MTMR10: variants seen among roughly 807,000 people sequenced by gnomAD.
The protein encoded by MTMR10 is myotubularin related protein 10, also known as myotubularin-related protein 10.
MTMR10 carries 56 observed loss-of-function variants against 88.1 expected under a neutral mutation model. That is an observed-to-expected ratio of 0.64 (90% confidence interval 0.51 to 0.79). The LOEUF (loss-of-function observed/expected upper bound fraction) is 0.79, where lower values mean the gene tolerates loss of function less well. Among genes scored for constraint, MTMR10 ranks in the 30% least tolerant of loss-of-function variants. The probability of loss-of-function intolerance (pLI) is 0.00; values close to 1 mark genes in which losing one functional copy is unlikely to be tolerated. For missense variants in MTMR10, 883 were observed against 924.7 expected (o/e 0.95, Z 0.58); for synonymous variants, 380 against 340.9 (o/e 1.11, Z -1.26).
intron 15 of MTMR10, 195 bp from the exon 16 acceptor site, chr15:30,942,267 CCTAGG>C: frequency 1.4e-6 from 1 of 692,664 alleles, no homozygotes; most frequent in Admixed American, 3.0e-5. Context: ...GTTGACTCTA[CCTAGG>C]CTGTTACTAT....
chr15:30,973,035 TC>T (rs1452588888), intron 5 of MTMR10, among the ~76,000 whole-genome samples: 1 of 152,214 alleles, frequency 6.6e-6, no homozygotes, highest in Non-Finnish European at 1.5e-5. Flanking sequence ...GATGCTTTGA[TC>T]AATTAAATTA....
chr15:30,984,174 G>A lies in MTMR10; in HGVS notation c.121+6603C>T, dbSNP rs547205302. On this transcript the variant is annotated intron_variant, in intron 2 of 15. Transcript: ENST00000435680. ...GCAAATTACAAGGTTAAAGAATTTG[G>A]ATTTTATCCTGCTTAAGTAGGATTT... Among the ~76,000 whole-genome samples the A allele has an allele frequency of 2.0e-5, 3 of 152,336 alleles. No individual in the cohort carries two copies. In the South Asian group the frequency reaches 6.2e-4, roughly 32 times the overall value.
intron 14 of MTMR10, among the ~76,000 whole-genome samples, chr15:30,945,561 C>G (rs545026828): frequency 3.9e-5 from 6 of 151,936 alleles, no homozygotes; most frequent in Non-Finnish European, 5.9e-5. Context: ...TGTGTGCGCA[C>G]GGGGTAGTGA....
intron 10 of MTMR10, 89 bp downstream of exon 10, chr15:30,954,673 TC>T: frequency 8.0e-7 from 1 of 1,257,482 alleles, no homozygotes; most frequent in East Asian, 2.8e-5. Context: ...TATATCTATT[TC>T]TACATTTTTA....
At chr15:30,943,884 T>C in intron 14 of MTMR10, 2 of 985,400 alleles carry the variant, frequency 2.0e-6, no homozygotes, top group South Asian at 9.4e-5. Context: ...TCTCAGCTGA[T>C]TGATGGCAGC....
intron 2 of MTMR10, among the ~76,000 whole-genome samples, chr15:30,983,413 T>G (rs12437580): frequency 0.3 from 45,825 of 152,100 alleles, 8,014 homozygotes; most frequent in African/African-American, 0.5. Flanking sequence ...GAAATGCAAT[T>G]ACAGTTAATA....
At chr15:30,989,521 C>T (rs2031166838) in intron 2 of MTMR10, among the ~76,000 whole-genome samples, 1 of 151,636 alleles carries the variant, frequency 6.6e-6, no homozygotes, top group Non-Finnish European at 1.5e-5. Flanking sequence ...ACCGATTTGG[C>T]TTTAAGTAAT....
At chr15:30,964,483 G>A (rs151164012) in intron 6 of MTMR10, among the ~76,000 whole-genome samples, 45 of 152,214 alleles carry the variant, frequency 3.0e-4, no homozygotes, top group African/African-American at 1.0e-3. Flanking sequence ...CATTTCTCTC[G>A]TTCAAATCCT....
In MTMR10 at chr15:30,942,031, T is replaced by C; in HGVS notation, c.1773A>G (p.Leu591=). Residue 591 remains leucine, a synonymous_variant, in exon 16 of 16, where the codon TTA becomes TTG. Transcript: ENST00000435680. ...SSTLRGMPSA[L]KNGIISDQEL... is the part of the protein sequence containing the mutation. ...CTTGGTCACTGATGATTCCATTCTT[T>C]AAGGCAGACGGCATTCCTCTTAGTG... 6.2e-7 allele frequency: 1 copy of C among 1,614,038 alleles called. No homozygotes were observed. The highest frequency in any genetic ancestry group is 1.1e-5 in the South Asian group (1 of 91,084).
chr15:30,941,012 A>G lies in MTMR10; in HGVS notation c.*458T>C. ...GAACCTTCATCAGGTGAGTTCAATT[A>G]GAGACGACAGAAAGTAACCAGAAAA... On this transcript the variant is annotated 3_prime_UTR_variant, in exon 16 of 16. Transcript: ENST00000435680. The G allele has an allele frequency of 8.5e-7, 1 of 1,170,536 alleles. No homozygotes were observed. Among genetic ancestry groups the G allele is most frequent in the Non-Finnish European group, 1.1e-6 (1 of 934,528 alleles). 72.5% of individuals were successfully genotyped at this position (1,170,536 alleles called of 1,614,324 possible).
At chr15:30,982,365 A>C (rs1332358473) in intron 2 of MTMR10, among the ~76,000 whole-genome samples, 1 of 152,238 alleles carries the variant, frequency 6.6e-6, no homozygotes, top group Non-Finnish European at 1.5e-5. Flanking sequence ...CATTAGCGGA[A>C]GCTGGCTGAA....
chr15:30,937,415 A>G (rs1029608824), downstream of MTMR10, among the ~76,000 whole-genome samples: 1 of 150,932 alleles, frequency 6.6e-6, no homozygotes, highest in Non-Finnish European at 1.5e-5. Flanking sequence ...TTGCTTGAAT[A>G]CACTCATTGA....
rs1489310670 is a variant in MTMR10, at chr15:30,991,490, G to A, written c.17C>T (p.Pro6Leu). The change falls in exon 1 of 16, where the codon CCG (proline) becomes CTG (leucine). Residue 6 changes from proline (P) to leucine (L), a missense_variant. By Grantham distance (98) the Pro-to-Leu change is moderately conservative. Coordinates refer to ENST00000435680, the MANE Select transcript of MTMR10 (RefSeq NM_017762.3). MFSLK[P>L]PKPTFRSYLL... ...GTAGGACCTGAAGGTGGGTTTGGGC[G>A]GCTTGAGGGAGAACATGGTGCCGCC... The A allele has an allele frequency of 1.3e-6, 2 of 1,519,030 alleles. No individual in the cohort carries two copies. Among genetic ancestry groups the A allele is most frequent in the African/African-American group, 1.5e-5 (1 of 68,302 alleles). 94.1% of individuals were successfully genotyped at this position (1,519,030 alleles called of 1,614,324 possible).
rs2029952456 is a variant in MTMR10 at position 30,974,388 on chromosome 15, ACT to A, written c.398_399del (p.Glu133ValfsTer6). 6.2e-7 allele frequency: 1 copy of A among 1,608,088 alleles called. No individual in the cohort carries two copies. Among genetic ancestry groups the A allele is most frequent in the Non-Finnish European group, 8.5e-7 (1 of 1,176,372 alleles). On this transcript the variant is annotated frameshift_variant, in exon 5 of 16. Transcript: ENST00000435680. LOFTEE classifies it high-confidence loss of function. The stretch of plus-strand genomic sequence containing the variant: ...CTGAAATCTTTACAATAAATAATTA[ACT>A]CTGTTGGATTAAATTTCAGTTTCTG... ...PNQKLKFNPT[E>X]LIIYCKDFRI...
the MTMR10 span, chr15:30,925,022 C>G: frequency 1.7e-4 from 201 of 1,216,450 alleles, no homozygotes; most frequent in African/African-American, 2.6e-3. Context: ...ATTTGCTAAT[C>G]AGCAAAATTC....
At chr15:30,946,343 T>C (rs770668083) in intron 14 of MTMR10, 22 of 184,072 alleles carry the variant, frequency 1.2e-4, no homozygotes, top group Non-Finnish European at 2.1e-4. Context: ...AAGTGTTAGT[T>C]TGACAGATCC....
chr15:30,938,015 TCTA>T (rs1398647476), downstream of MTMR10, among the ~76,000 whole-genome samples: 3 of 151,594 alleles, frequency 2.0e-5, no homozygotes, highest in Non-Finnish European at 4.4e-5. Flanking sequence ...GAAACCCATC[TCTA>T]CTAAAAATAC....
chr15:30,930,754 G>A, the MTMR10 span: 5 of 1,525,840 alleles, frequency 3.3e-6, no homozygotes, highest in Non-Finnish European at 4.5e-6. Flanking sequence ...TTTCTTGAGT[G>A]GCTGTTGGCA....
intron 2 of MTMR10, among the ~76,000 whole-genome samples, chr15:30,982,462 C>A (rs559015521): frequency 6.6e-6 from 1 of 150,934 alleles, no homozygotes; most frequent in African/African-American, 2.4e-5. Context: ...AGAAAATAAA[C>A]AAGAGACACA....
Sources: gnomAD v4.1 joint callset for allele counts (sites outside exome capture counted in the v4.1 genomes callset) on GRCh38, gnomAD v4.1.1 for gene constraint, MANE v1.5 for transcripts, NCBI Gene and HGNC (gene_info 2026-07-23, HGNC 2026-07-21) for gene names.